Variants in ROBO2 observed in about 807,000 individuals in gnomAD.
ROBO2 encodes roundabout homolog 2.
Under a neutral mutation model 160.8 loss-of-function variants are expected in ROBO2, and 53 were observed. The ratio of observed to expected loss-of-function variants is 0.33; its 90% CI spans 0.26 to 0.41. The LOEUF (loss-of-function observed/expected upper bound fraction) is 0.41, where lower values mean the gene tolerates loss of function less well. Among genes scored for constraint, ROBO2 ranks in the 10% least tolerant of loss-of-function variants. ROBO2 has a pLI of 1.00. For synonymous variants in ROBO2, 664 were observed against 611.7 expected, an observed-to-expected ratio of 1.09 and a Z score of -1.26; for missense variants, 1,577 against 1,722.4, an observed-to-expected ratio of 0.92 and a Z score of 1.49.
chr3:77,437,963 C>T (rs1178359401), intron 2 of ROBO2, among the ~76,000 whole-genome samples: 1 of 151,960 alleles, frequency 6.6e-6, no homozygotes, highest in Non-Finnish European at 1.5e-5. Context: ...TATTAAAAAT[C>T]TATGCCTTAA....
intron 5 of ROBO2, among the ~76,000 whole-genome samples, chr3:77,497,257 A>G (rs1027662730): frequency 6.6e-6 from 1 of 152,150 alleles, no homozygotes; most frequent in African/African-American, 2.4e-5. Context: ...GAAGATTTCA[A>G]TACATATGTG....
chr3:77,433,486 GTATATA>G (rs57475227), intron 2 of ROBO2, among the ~76,000 whole-genome samples: 2,331 of 99,312 alleles, frequency 0.023, 146 homozygotes, highest in African/African-American at 0.076. Context: ...CTGGCAACTT[GTATATA>G]TATATATATA....
At chr3:75,982,103 T>G (rs1436223774) in intron 2 of ROBO2, among the ~76,000 whole-genome samples, 1 of 151,682 alleles carries the variant, frequency 6.6e-6, no homozygotes, top group Non-Finnish European at 1.5e-5. Flanking sequence ...TGACTGAATC[T>G]CATTCTTTTT....
intron 24 of ROBO2, among the ~76,000 whole-genome samples, chr3:77,639,826 G>C (rs980882218): frequency 6.6e-6 from 1 of 152,114 alleles, no homozygotes; most frequent in East Asian, 1.9e-4. Flanking sequence ...TTTTTAAAAA[G>C]TCATTCTATT....
intron 2 of ROBO2, among the ~76,000 whole-genome samples, chr3:77,105,608 C>T (rs2072686387): frequency 6.6e-6 from 1 of 152,122 alleles, no homozygotes; most frequent in Non-Finnish European, 1.5e-5. Context: ...AATTGCTACA[C>T]CTGGGGAACG....
At chr3:76,949,731 A>G (rs1191210629) in intron 2 of ROBO2, among the ~76,000 whole-genome samples, 1 of 152,166 alleles carries the variant, frequency 6.6e-6, no homozygotes, top group African/African-American at 2.4e-5. Flanking sequence ...TGCTCCCAAG[A>G]TGTTTGTTAA....
chr3:76,543,148 TTAG>T (rs2082906229), intron 2 of ROBO2, among the ~76,000 whole-genome samples: 1 of 152,184 alleles, frequency 6.6e-6, no homozygotes, highest in African/African-American at 2.4e-5. Flanking sequence ...CTAAATTTTC[TTAG>T]TAGTATTGTA....
At chr3:77,355,285 C>A (rs904796405) in intron 2 of ROBO2, among the ~76,000 whole-genome samples, 1 of 151,882 alleles carries the variant, frequency 6.6e-6, no homozygotes, top group Non-Finnish European at 1.5e-5. Context: ...TTTGCCTTTT[C>A]CAGAATATCT....
At chr3:77,296,648 C>G (rs2062161194) in intron 2 of ROBO2, among the ~76,000 whole-genome samples, 1 of 152,064 alleles carries the variant, frequency 6.6e-6, no homozygotes, top group African/African-American at 2.4e-5. Flanking sequence ...TGATGCATAG[C>G]AATGTTTGAG....
intron 2 of ROBO2, among the ~76,000 whole-genome samples, chr3:76,466,087 A>C (rs553908533): frequency 1.3e-5 from 2 of 151,790 alleles, no homozygotes; most frequent in East Asian, 1.9e-4. Flanking sequence ...AAATGTACAT[A>C]ATTTTTTAAA....
chr3:76,664,689 A>G (rs984002723), intron 2 of ROBO2, among the ~76,000 whole-genome samples: 3 of 152,206 alleles, frequency 2.0e-5, no homozygotes, highest in African/African-American at 4.8e-5. Flanking sequence ...GTGAAGAATG[A>G]GTCTTATTTT....
intron 2 of ROBO2, among the ~76,000 whole-genome samples, chr3:76,716,627 A>G (rs925991789): frequency 6.6e-5 from 10 of 152,222 alleles, no homozygotes; most frequent in African/African-American, 2.4e-4. Flanking sequence ...TCTCTTATGT[A>G]AACTTCAAAT....
At chr3:76,556,949 C>T (rs1015832364) in intron 2 of ROBO2, among the ~76,000 whole-genome samples, 6 of 151,940 alleles carry the variant, frequency 3.9e-5, no homozygotes, top group African/African-American at 1.4e-4. Context: ...ATAAGCTATG[C>T]TTTTATTATT....
intron 2 of ROBO2, among the ~76,000 whole-genome samples, chr3:76,672,222 T>C (rs909814298): frequency 1.3e-5 from 2 of 152,056 alleles, no homozygotes; most frequent in African/African-American, 4.8e-5. Flanking sequence ...CACATTTACA[T>C]ATCAAGCAGA....
At chr3:77,403,962 G>A (rs1334761363) in intron 2 of ROBO2, among the ~76,000 whole-genome samples, 5 of 151,876 alleles carry the variant, frequency 3.3e-5, no homozygotes, top group Non-Finnish European at 7.4e-5. Context: ...GAAAATGGTT[G>A]GTTTTCAAGT....
At chr3:76,385,763 T>A (rs1163842833) in intron 2 of ROBO2, among the ~76,000 whole-genome samples, 1 of 152,210 alleles carries the variant, frequency 6.6e-6, no homozygotes, top group Non-Finnish European at 1.5e-5. Flanking sequence ...TTGAATCAAT[T>A]TCTCTGTGTA....
chr3:76,532,040 G>T (rs144868645), intron 2 of ROBO2, among the ~76,000 whole-genome samples: 3 of 152,256 alleles, frequency 2.0e-5, no homozygotes, highest in African/African-American at 7.2e-5. Context: ...TTAGTAAGTA[G>T]AAGGTACTGT....
At chr3:76,139,806 T>C (rs1434752032) in intron 2 of ROBO2, among the ~76,000 whole-genome samples, 4 of 152,112 alleles carry the variant, frequency 2.6e-5, no homozygotes, top group Admixed American at 2.6e-4. Context: ...ATGAAAAATG[T>C]CAGGTAAAAC....
chr3:77,452,631 A>C (rs1282295405), intron 2 of ROBO2, among the ~76,000 whole-genome samples: 1 of 152,162 alleles, frequency 6.6e-6, no homozygotes, highest in East Asian at 1.9e-4. Context: ...CAAAGTCTTT[A>C]AACAGTACTC....
Sources: allele counts gnomAD v4.1 joint callset (sites outside exome capture counted in the v4.1 genomes callset), GRCh38; gene constraint gnomAD v4.1.1; transcripts MANE v1.5; gene names NCBI Gene and HGNC (gene_info 2026-07-23, HGNC 2026-07-21).